The following ASIC2 variants were observed in gnomAD, a reference collection of about 807,000 sequenced individuals.
The protein encoded by ASIC2 is acid sensing ion channel subunit 2, also known as acid-sensing ion channel 2.
ASIC2 carries 25 observed loss-of-function variants against 57.3 expected under a neutral mutation model. The observed-to-expected ratio is 0.44, with a 90% CI of 0.32 to 0.61. The LOEUF (loss-of-function observed/expected upper bound fraction) is 0.61, where lower values mean the gene tolerates loss of function less well. ASIC2 is among the 20% of genes least tolerant of loss of function. The pLI is 0.06. For missense variants in ASIC2, 641 were observed against 738.1 expected (o/e 0.87, Z 1.52); for synonymous variants, 319 against 307.5 (o/e 1.04, Z -0.39).
At chr17:33,464,476 TTTTCTC>T (rs1912751196) in intron 1 of ASIC2, among the ~76,000 whole-genome samples, 3 of 71,962 alleles carry the variant, frequency 4.2e-5, no homozygotes, top group East Asian at 3.7e-4. Flanking sequence ...TCTTTCTTTC[TTTTCTC>T]TCTTTCTTTC....
chr17:33,978,487 A>T (rs1905476610), intron 1 of ASIC2, among the ~76,000 whole-genome samples: 1 of 152,214 alleles, frequency 6.6e-6, no homozygotes, highest in South Asian at 2.1e-4. Flanking sequence ...AGGACAAGAT[A>T]ACCTCCAAGG....
At position 33,552,609 on chromosome 17, in the gene ASIC2, T is replaced by C. The variant is rs2347547; in HGVS notation, c.556-440542A>G. 4.2e-3 allele frequency among the ~76,000 whole-genome samples: 639 copies of C among 152,334 alleles called. 4 individuals carry two copies. Among genetic ancestry groups the C allele is most frequent in the African/African-American group, 0.015 (616 of 41,578 alleles). The stretch of plus-strand genomic sequence containing the variant: ...ACAATATCTGCCTGAAAGGCTGCCA[T>C]GAGTGAGGGTGAGACAATATGTAAA... On this transcript the variant is annotated intron_variant, in intron 1 of 9. Coordinates refer to the ASIC2 transcript ENST00000359872.
At chr17:33,316,648 C>A (rs1001000548) in intron 1 of ASIC2, among the ~76,000 whole-genome samples, 3 of 152,032 alleles carry the variant, frequency 2.0e-5, no homozygotes, top group African/African-American at 7.2e-5. Context: ...CCCCAGTGAA[C>A]TAGAAATTAA....
intron 1 of ASIC2, among the ~76,000 whole-genome samples, chr17:33,451,631 A>G (rs1217455723): frequency 6.6e-6 from 1 of 152,130 alleles, no homozygotes; most frequent in Non-Finnish European, 1.5e-5. Context: ...TTGCCTTCTC[A>G]CTACATCCCT....
Position 34,156,680 on chromosome 17 carries a change from A to C in ASIC2, c.-148T>G, listed in dbSNP as rs1904736690. 1.3e-6 allele frequency: 1 copy of C among 793,086 alleles called. No homozygotes were observed. The highest frequency in any genetic ancestry group is 1.9e-6 in the Non-Finnish European group (1 of 513,120). The allele number at this position is 793,086 out of a possible 1,614,324, so 49.1% of individuals were successfully genotyped here. A position where few individuals can be genotyped will look rare whatever the true frequency, so the allele number is the denominator to read the frequency against. On this transcript the variant is annotated 5_prime_UTR_variant, in exon 1 of 10. Transcript: ENST00000359872. This position sits in a 1 kb window ranked among gnomAD's most constrained non-coding sequence, Gnocchi z 4.4. Reference sequence around the variant, plus strand: ...CCAGATGCTGTGAGTTTATCCTGAGAGCCCAGCCGCACGCTGACAGGGGTG... The same window carrying C: ...CCAGATGCTGTGAGTTTATCCTGAGCGCCCAGCCGCACGCTGACAGGGGTG...
At chr17:34,076,296 C>T (rs867564189) in intron 1 of ASIC2, among the ~76,000 whole-genome samples, 10 of 152,118 alleles carry the variant, frequency 6.6e-5, no homozygotes, top group East Asian at 1.9e-4. Flanking sequence ...TGAGCCACCA[C>T]GCCTGGCCCT....
intron 1 of ASIC2, among the ~76,000 whole-genome samples, chr17:33,775,440 A>G (rs1454855195): frequency 4.6e-5 from 7 of 152,230 alleles, no homozygotes; most frequent in Non-Finnish European, 1.0e-4. Context: ...GTATTTCTTG[A>G]CAGCTGGAAG....
chr17:33,770,307 C>G (rs1911056366), intron 1 of ASIC2, among the ~76,000 whole-genome samples: 1 of 152,210 alleles, frequency 6.6e-6, no homozygotes, highest in Non-Finnish European at 1.5e-5. Flanking sequence ...AATTCACCTC[C>G]CTGACCCCTA....
intron 1 of ASIC2, among the ~76,000 whole-genome samples, chr17:33,345,112 G>C (rs1483551617): frequency 6.6e-6 from 1 of 152,152 alleles, no homozygotes; most frequent in Admixed American, 6.5e-5. Context: ...TGCAGATAAG[G>C]CTCATTTGTA....
chr17:33,077,272 G>C (rs183493661), intron 3 of ASIC2, among the ~76,000 whole-genome samples: 1 of 152,242 alleles, frequency 6.6e-6, no homozygotes, highest in East Asian at 1.9e-4. Flanking sequence ...TAAATCGGGA[G>C]TGATGACTCT....
intron 1 of ASIC2, among the ~76,000 whole-genome samples, chr17:33,429,422 G>T (rs543730311): frequency 6.6e-6 from 1 of 151,840 alleles, no homozygotes; most frequent in African/African-American, 2.4e-5. Context: ...ACAGAGTCTC[G>T]CTCTGTCGCC....
intron 1 of ASIC2, among the ~76,000 whole-genome samples, chr17:33,631,592 G>A (rs1906172632): frequency 6.6e-6 from 1 of 152,118 alleles, no homozygotes; most frequent in Non-Finnish European, 1.5e-5. Context: ...ATGCGATTGT[G>A]CCCACAGGGT....
intron 1 of ASIC2, among the ~76,000 whole-genome samples, chr17:33,181,415 G>C (rs1398855207): frequency 6.6e-6 from 1 of 152,092 alleles, no homozygotes; most frequent in African/African-American, 2.4e-5. Flanking sequence ...GGCAAATGTG[G>C]TGGCTTAGAA....
chr17:33,323,029 T>C (rs116428937), intron 1 of ASIC2, among the ~76,000 whole-genome samples: 3,049 of 152,276 alleles, frequency 0.02, 103 homozygotes, highest in African/African-American at 0.07. Context: ...TACCCACAAA[T>C]AACCAGAGAA....
intron 1 of ASIC2, among the ~76,000 whole-genome samples, chr17:33,523,350 A>T (rs957239682): frequency 3.3e-5 from 5 of 152,166 alleles, no homozygotes; most frequent in South Asian, 4.1e-4. Context: ...TCCTACTCCC[A>T]GATTTAAGCA....
intron 1 of ASIC2, among the ~76,000 whole-genome samples, chr17:33,846,012 T>C (rs1913584686): frequency 6.6e-6 from 1 of 152,210 alleles, no homozygotes; most frequent in South Asian, 2.1e-4. Flanking sequence ...TGCAAAGACC[T>C]ACCACATAGT....
chr17:33,245,561 C>T (rs1182347125), intron 1 of ASIC2, among the ~76,000 whole-genome samples: 1 of 152,136 alleles, frequency 6.6e-6, no homozygotes, highest in East Asian at 1.9e-4. Flanking sequence ...GTTGCAAATT[C>T]TGTACAGAGC....
In ASIC2 at chr17:33,013,805, TG is replaced by T; in HGVS notation, c.*159del. ...GCCCAAGGATGCGTCGTGTTGGACG[TG>T]GCCGGAGCGAGGTCTAGGCAGCTAG... On this transcript the variant is annotated 3_prime_UTR_variant, in exon 10 of 10. Coordinates refer to ENST00000225823, the MANE Select transcript of ASIC2 (RefSeq NM_183377.2). The T allele has an allele frequency of 1.5e-6, 1 of 658,890 alleles. No homozygotes were observed. The highest frequency in any genetic ancestry group is 2.7e-6 in the Non-Finnish European group (1 of 369,248). 40.8% of individuals were successfully genotyped at this position (658,890 alleles called of 1,614,324 possible).
At chr17:33,790,471 T>C (rs1365296556) in intron 1 of ASIC2, among the ~76,000 whole-genome samples, 3 of 152,222 alleles carry the variant, frequency 2.0e-5, no homozygotes, top group East Asian at 1.9e-4. Flanking sequence ...TTTCTAGATA[T>C]TGTGTTTGCA....
Sources: gnomAD v4.1 joint callset for allele counts (sites outside exome capture counted in the v4.1 genomes callset) on GRCh38, gnomAD v4.1.1 for gene constraint, Gnocchi (gnomAD v3.1) non-coding constraint, MANE v1.5 for transcripts, NCBI Gene and HGNC (gene_info 2026-07-23, HGNC 2026-07-21) for gene names.